ADGRL3: variants seen among roughly 807,000 people sequenced by gnomAD.
ADGRL3 encodes adhesion G protein-coupled receptor L3, also known as calcium-independent alpha-latrotoxin receptor 3.
Under a neutral mutation model 153.5 loss-of-function variants are expected in ADGRL3, and 62 were observed. That is an observed-to-expected ratio of 0.40 (90% CI 0.33 to 0.50). The LOEUF (loss-of-function observed/expected upper bound fraction) is 0.50, where lower values mean the gene tolerates loss of function less well. Among genes scored for constraint, ADGRL3 ranks in the 20% least tolerant of loss-of-function variants. The probability of loss-of-function intolerance (pLI) is 0.47; values close to 1 mark genes in which losing one functional copy is unlikely to be tolerated. For missense variants in ADGRL3, 1,641 were observed against 1,859.4 expected, an observed-to-expected ratio of 0.88 and a Z score of 2.16; for synonymous variants, 710 against 672.5, an observed-to-expected ratio of 1.06 and a Z score of -0.86.
chr4:61,265,510 A>C (rs2149684011), intron 1 of ADGRL3, among the ~76,000 whole-genome samples: 1 of 151,982 alleles, frequency 6.6e-6, no homozygotes. Flanking sequence ...GTGGCAGAAA[A>C]ATGTGCTGGG....
chr4:61,240,779 G>T (rs1249288176), intron 1 of ADGRL3, among the ~76,000 whole-genome samples: 2 of 151,864 alleles, frequency 1.3e-5, no homozygotes, highest in African/African-American at 4.8e-5. Context: ...TTTTGTTTAT[G>T]CATTTACTTG....
chr4:61,996,999 GA>G (rs79921191), intron 20 of ADGRL3, among the ~76,000 whole-genome samples: 4 of 151,738 alleles, frequency 2.6e-5, no homozygotes, highest in Admixed American at 6.6e-5. Flanking sequence ...TCCATTTTGT[GA>G]AAAAAATGTT....
rs770294775 is a variant in ADGRL3 at position 61,892,802 on chromosome 4, G to A, written c.1627G>A (p.Glu543Lys). The part of the protein sequence containing the change: ...RSTSTPSPAV[E>K]VLDDMTTHLP... Reference sequence around the variant, plus strand: ...TACTAGTACCCCATCTCCAGCTGTCGAGGTACTTGATGACATGACCACACA... The same window carrying A: ...TACTAGTACCCCATCTCCAGCTGTCAAGGTACTTGATGACATGACCACACA... The change falls in exon 10 of 27, where the codon GAG becomes AAG. Residue 543 changes from glutamate to lysine, a missense_variant. Glu to Lys is a moderately conservative substitution (Grantham distance 56, BLOSUM62 1). Transcript: ENST00000683033. 36 of 1,613,672 alleles carry A rather than the reference G, an allele frequency of 2.2e-5. 1 individual carries two copies. The highest frequency in any genetic ancestry group is 9.9e-5 in the South Asian group (9 of 91,068).
At chr4:61,771,216 T>TTGCCTAACTTGCACAGGG (rs1400245372) in intron 8 of ADGRL3, among the ~76,000 whole-genome samples, 6 of 152,204 alleles carry the variant, frequency 3.9e-5, no homozygotes, top group Admixed American at 6.5e-5. Context: ...ACTGTGGGCA[T>TTGCCTAACTTGCACAGGG]GTTTAGGCAA....
intron 17 of ADGRL3, among the ~76,000 whole-genome samples, chr4:61,968,180 T>C (rs1011225311): frequency 6.6e-6 from 1 of 152,206 alleles, no homozygotes; most frequent in African/African-American, 2.4e-5. Context: ...TCTAAACAAG[T>C]TACAGCTTTT....
chr4:61,248,334 A>G (rs1282123484), intron 1 of ADGRL3, among the ~76,000 whole-genome samples: 1 of 152,118 alleles, frequency 6.6e-6, no homozygotes, highest in African/African-American at 2.4e-5. Flanking sequence ...ATTATTGCTT[A>G]TGTAACATTT....
At chr4:61,658,775 T>C (rs934825791) in intron 5 of ADGRL3, among the ~76,000 whole-genome samples, 1 of 152,106 alleles carries the variant, frequency 6.6e-6, no homozygotes, top group Non-Finnish European at 1.5e-5. Flanking sequence ...ATCAAGCTGA[T>C]TGACACTTGT....
intron 1 of ADGRL3, among the ~76,000 whole-genome samples, chr4:61,351,233 T>C (rs760372137): frequency 6.6e-6 from 1 of 152,178 alleles, no homozygotes; most frequent in Non-Finnish European, 1.5e-5. Context: ...CTCTCTTCAG[T>C]TCTGTGAAGG....
intron 5 of ADGRL3, among the ~76,000 whole-genome samples, chr4:61,662,604 TC>T (rs1217565243): frequency 1.3e-5 from 2 of 152,106 alleles, no homozygotes; most frequent in East Asian, 3.9e-4. Context: ...ACAGCCTATG[TC>T]CCATGGGCAC....
intron 9 of ADGRL3, among the ~76,000 whole-genome samples, chr4:61,838,774 A>G (rs988516403): frequency 6.6e-6 from 1 of 152,156 alleles, no homozygotes; most frequent in Admixed American, 6.6e-5. Flanking sequence ...TGTTTTATTC[A>G]ATTTCTTTTC....
At chr4:61,326,920 A>G (rs866553476) in intron 1 of ADGRL3, among the ~76,000 whole-genome samples, 3 of 151,984 alleles carry the variant, frequency 2.0e-5, no homozygotes, top group African/African-American at 4.8e-5. Flanking sequence ...ATGGTCCACA[A>G]TATAAATATA....
chr4:61,755,421 T>G (rs2096814437), intron 8 of ADGRL3, among the ~76,000 whole-genome samples: 1 of 152,256 alleles, frequency 6.6e-6, no homozygotes, highest in Non-Finnish European at 1.5e-5. Flanking sequence ...TGTCTTCTTT[T>G]GAGAAGTGTC....
intron 1 of ADGRL3, among the ~76,000 whole-genome samples, chr4:61,205,625 G>A (rs1736780089): frequency 6.6e-6 from 1 of 152,144 alleles, no homozygotes; most frequent in African/African-American, 2.4e-5. Context: ...TCATGCGAAT[G>A]CATTTCTTCA....
intron 2 of ADGRL3, among the ~76,000 whole-genome samples, chr4:61,482,436 AGC>A (rs1322938547): frequency 6.6e-6 from 1 of 152,146 alleles, no homozygotes; most frequent in Non-Finnish European, 1.5e-5. Context: ...TTCTAGCCGG[AGC>A]CAAATATTAA....
intron 9 of ADGRL3, among the ~76,000 whole-genome samples, chr4:61,851,117 A>T (rs2098197186): frequency 6.6e-6 from 1 of 152,142 alleles, no homozygotes; most frequent in Non-Finnish European, 1.5e-5. Flanking sequence ...TACTGTTTTT[A>T]ATTACATACT....
intron 1 of ADGRL3, among the ~76,000 whole-genome samples, chr4:61,303,026 A>C (rs1226417707): frequency 6.6e-6 from 1 of 152,210 alleles, no homozygotes; most frequent in East Asian, 1.9e-4. Flanking sequence ...ACAGTATACT[A>C]TTAAATATAA....
rs189541770 is a variant in ADGRL3, at chr4:61,751,136, T to A, written c.1399+17582T>A. ...TGCTCCTTAATGATAATCTAACTAA[T>A]GCCTGATGATCTGAGATGAAACAGT... On this transcript the variant is annotated intron_variant, in intron 8 of 26. Coordinates refer to ENST00000683033, the MANE Select transcript of ADGRL3 (RefSeq NM_001387552.1). Among the ~76,000 whole-genome samples, 29 of 152,322 alleles carry A rather than the reference T, an allele frequency of 1.9e-4. 1 individual carries two copies. In the East Asian group the frequency reaches 5.4e-3, roughly 28 times the overall value.
intron 9 of ADGRL3, among the ~76,000 whole-genome samples, chr4:61,816,950 C>G (rs1225337256): frequency 6.6e-6 from 1 of 152,178 alleles, no homozygotes; most frequent in Non-Finnish European, 1.5e-5. Flanking sequence ...CTCCTGGTGC[C>G]CACTCCAATT....
At chr4:62,059,798 T>C (rs1471873590) in intron 25 of ADGRL3, among the ~76,000 whole-genome samples, 2 of 152,172 alleles carry the variant, frequency 1.3e-5, no homozygotes, top group Non-Finnish European at 2.9e-5. Context: ...TTTCTGCCAT[T>C]GTTGCTGGAT....
Sources: allele counts gnomAD v4.1 joint callset (sites outside exome capture counted in the v4.1 genomes callset), GRCh38; gene constraint gnomAD v4.1.1; transcripts MANE v1.5; gene names NCBI Gene and HGNC (gene_info 2026-07-23, HGNC 2026-07-21).